SLC24A2: variants seen among roughly 807,000 people sequenced by gnomAD.
SLC24A2 encodes the protein solute carrier family 24 member 2.
A neutral mutation model predicts 62.0 loss-of-function variants in SLC24A2; 36 were observed. That is an observed-to-expected ratio of 0.58 (90% CI 0.44 to 0.77). SLC24A2 has a LOEUF of 0.77. Ranked by LOEUF, SLC24A2 falls within the 30% of genes least tolerant of loss-of-function variation. The pLI is 0.00. For synonymous variants in SLC24A2, 358 were observed against 294.0 expected (o/e 1.22, Z -2.23); for missense variants, 846 against 817.9 (o/e 1.03, Z -0.42).
Position 19,746,786 on chromosome 9 carries a change from T to C in SLC24A2, c.930+39151A>G, listed in dbSNP as rs143584430. On this transcript the variant is annotated intron_variant, in intron 2 of 10. Transcript: ENST00000341998. The stretch of plus-strand genomic sequence containing the variant: ...ACATTTATTTGGTGCTTATTTTTAG[T>C]CACACTTATCTTGTTGATTTATGAG... Among the ~76,000 whole-genome samples the C allele has an allele frequency of 8.9e-4, 136 of 152,278 alleles. 1 individual carries two copies. The highest frequency in any genetic ancestry group is 3.2e-3 in the African/African-American group (131 of 41,578).
upstream of SLC24A2, among the ~76,000 whole-genome samples, chr9:19,792,284 C>A (rs1046281182): frequency 6.6e-6 from 1 of 152,060 alleles, no homozygotes; most frequent in Non-Finnish European, 1.5e-5. Flanking sequence ...TTTAAAGAAG[C>A]AAGTAGCTCT....
the SLC24A2 span, among the ~76,000 whole-genome samples, chr9:20,189,503 TAAAG>T: frequency 1.3e-5 from 2 of 152,170 alleles, no homozygotes; most frequent in Non-Finnish European, 1.5e-5. Context: ...GAAGAAATCT[TAAAG>T]AAAGAAAGTG....
the SLC24A2 span, among the ~76,000 whole-genome samples, chr9:20,079,855 A>G: frequency 0.37 from 55,665 of 151,962 alleles, 10,413 homozygotes; most frequent in Middle Eastern, 0.51. Context: ...TTTTCTAGAT[A>G]TACAATCATG....
chr9:19,898,706 T>C, the SLC24A2 span, among the ~76,000 whole-genome samples: 332 of 138,066 alleles, frequency 2.4e-3, 1 homozygote, highest in African/African-American at 6.1e-3. Context: ...CGTGCCACTG[T>C]ACTCCAGCCT....
At chr9:19,952,951 A>T in the SLC24A2 span, among the ~76,000 whole-genome samples, 1 of 151,958 alleles carries the variant, frequency 6.6e-6, no homozygotes, top group African/African-American at 2.4e-5. Context: ...GGCTATTAAC[A>T]TTCTCTATTT....
At chr9:19,586,997 A>T (rs1836395236) in intron 5 of SLC24A2, among the ~76,000 whole-genome samples, 1 of 152,192 alleles carries the variant, frequency 6.6e-6, no homozygotes, top group African/African-American at 2.4e-5. Flanking sequence ...CTTTACTAAA[A>T]AGGCAGGCCA....
chr9:20,113,144 A>C, the SLC24A2 span, among the ~76,000 whole-genome samples: 1 of 152,100 alleles, frequency 6.6e-6, no homozygotes, highest in Admixed American at 6.6e-5. Context: ...TCTTTGGCCA[A>C]GTCATCTGGG....
intron 2 of SLC24A2, among the ~76,000 whole-genome samples, chr9:19,648,743 G>A (rs1232623314): frequency 6.6e-6 from 1 of 152,108 alleles, no homozygotes; most frequent in Non-Finnish European, 1.5e-5. Flanking sequence ...AGATTAAGAG[G>A]TTAGGGTTGG....
chr9:19,998,123 C>T, the SLC24A2 span, among the ~76,000 whole-genome samples: 1 of 152,286 alleles, frequency 6.6e-6, no homozygotes, highest in East Asian at 1.9e-4. Flanking sequence ...CATTCATTGT[C>T]TCAATTGGTC....
chr9:19,580,035 C>CTT (rs1432129167), intron 5 of SLC24A2, among the ~76,000 whole-genome samples: 1 of 152,238 alleles, frequency 6.6e-6, no homozygotes, highest in Admixed American at 6.5e-5. Flanking sequence ...GCATGTTACT[C>CTT]TTTTCCCACT....
the SLC24A2 span, among the ~76,000 whole-genome samples, chr9:20,091,363 G>A: frequency 6.6e-6 from 1 of 152,040 alleles, no homozygotes; most frequent in South Asian, 2.1e-4. Flanking sequence ...GGAACCCCTT[G>A]CAAGATTCTA....
intron 2 of SLC24A2, among the ~76,000 whole-genome samples, chr9:19,649,529 T>C (rs1296274797): frequency 6.6e-6 from 1 of 152,142 alleles, no homozygotes; most frequent in Non-Finnish European, 1.5e-5. Flanking sequence ...TGGATTTTCT[T>C]TCAGAATTTG....
chr9:19,526,717 A>G (rs1833462101), intron 9 of SLC24A2, among the ~76,000 whole-genome samples: 1 of 151,914 alleles, frequency 6.6e-6, no homozygotes, highest in African/African-American at 2.4e-5. Flanking sequence ...CCTATTATGG[A>G]GCTTTAAGCT....
rs1399336806 is a variant in SLC24A2, at chr9:19,672,800, C to T, written c.931-50501G>A. Among the ~76,000 whole-genome samples, 5 of 146,456 alleles carry T rather than the reference C, an allele frequency of 3.4e-5. 1 individual carries two copies. Among genetic ancestry groups the T allele is most frequent in the African/African-American group, 8.1e-5 (3 of 37,130 alleles). ...TTGATTTCATTGTTGACCCAATGATCATTCAGGAGCAAGTTATTTAATTTC... is the reference window on the plus strand; with the variant it reads ...TTGATTTCATTGTTGACCCAATGATTATTCAGGAGCAAGTTATTTAATTTC... On this transcript the variant is annotated intron_variant, in intron 2 of 10. Transcript: ENST00000341998.
the SLC24A2 span, among the ~76,000 whole-genome samples, chr9:20,214,866 C>T: frequency 2.6e-5 from 4 of 152,074 alleles, no homozygotes; most frequent in African/African-American, 9.7e-5. Context: ...AATGAGAACA[C>T]TGGGAGTAAC....
At chr9:19,518,076 A>C (rs1286950236) in intron 10 of SLC24A2, among the ~76,000 whole-genome samples, 1 of 152,210 alleles carries the variant, frequency 6.6e-6, no homozygotes, top group Non-Finnish European at 1.5e-5. Flanking sequence ...TCAAGAATTA[A>C]GTATAAAAAT....
chr9:19,921,989 T>C, the SLC24A2 span, among the ~76,000 whole-genome samples: 1 of 152,178 alleles, frequency 6.6e-6, no homozygotes, highest in South Asian at 2.1e-4. Flanking sequence ...TTCCCAAGAA[T>C]CCTATGAGTG....
At chr9:19,956,750 C>T in the SLC24A2 span, among the ~76,000 whole-genome samples, 8 of 152,280 alleles carry the variant, frequency 5.3e-5, no homozygotes, top group Non-Finnish European at 4.4e-5. Context: ...TCCCATGACA[C>T]ATGGAAATTG....
intron 7 of SLC24A2, among the ~76,000 whole-genome samples, chr9:19,553,097 G>A (rs1022752232): frequency 2.6e-5 from 4 of 152,162 alleles, no homozygotes; most frequent in Non-Finnish European, 1.5e-5. Flanking sequence ...GATTTGAGAG[G>A]TACCCCAGGA....
Sources: gnomAD v4.1 joint callset for allele counts (sites outside exome capture counted in the v4.1 genomes callset) on GRCh38, gnomAD v4.1.1 for gene constraint, MANE v1.5 for transcripts, NCBI Gene and HGNC (gene_info 2026-07-23, HGNC 2026-07-21) for gene names.